CSF1R: variants seen among roughly 807,000 people sequenced by gnomAD.
CSF1R encodes macrophage colony-stimulating factor 1 receptor.
Under a neutral mutation model 110.0 loss-of-function variants are expected in CSF1R, and 40 were observed. That is an observed-to-expected ratio of 0.36 (90% CI 0.28 to 0.47). CSF1R has a LOEUF of 0.47. Ranked by LOEUF, CSF1R falls within the 20% of genes least tolerant of loss-of-function variation. The probability of loss-of-function intolerance (pLI) is 0.99; values close to 1 mark genes in which losing one functional copy is unlikely to be tolerated. For missense variants in CSF1R, 1,052 were observed against 1,253.0 expected, an observed-to-expected ratio of 0.84 and a Z score of 2.42; for synonymous variants, 523 against 503.4, an observed-to-expected ratio of 1.04 and a Z score of -0.52.
intron 1 of CSF1R, among the ~76,000 whole-genome samples, chr5:150,112,047 C>G (rs1390067036): frequency 6.6e-6 from 1 of 152,160 alleles, no homozygotes; most frequent in Non-Finnish European, 1.5e-5. Context: ...AGTAGCCAAT[C>G]AAATCTTGTA....
At chr5:150,082,749 G>C (rs1758607019) in intron 1 of CSF1R, among the ~76,000 whole-genome samples, 1 of 152,194 alleles carries the variant, frequency 6.6e-6, no homozygotes, top group Non-Finnish European at 1.5e-5. Context: ...TGTCTGATGG[G>C]AATAATCCCA....
chr5:150,079,358 A>G (rs1758419325), intron 3 of CSF1R, among the ~76,000 whole-genome samples: 2 of 152,188 alleles, frequency 1.3e-5, no homozygotes, highest in Non-Finnish European at 2.9e-5. Flanking sequence ...TGCTGTCTCA[A>G]GCCCAGGTCC....
upstream of CSF1R, among the ~76,000 whole-genome samples, chr5:150,087,647 T>C (rs527525914): frequency 1.6e-4 from 25 of 152,364 alleles, no homozygotes; most frequent in African/African-American, 5.8e-4. Context: ...CCTCTTTTCC[T>C]GGAGGCAATT....
chr5:150,109,750 T>C lies in CSF1R; in HGVS notation c.-181+3511A>G, dbSNP rs1040916412. Among the ~76,000 whole-genome samples, 4 of 152,212 alleles carry C rather than the reference T, an allele frequency of 2.6e-5. No individual in the cohort carries two copies. The East Asian group carries it at 7.7e-4, about 29-fold the overall frequency. ...TGACATTTTAAATGTTTATTCTCTT[T>C]ACTCAACAACTCAATGTCTAGGAAT... On this transcript the variant is annotated intron_variant, in intron 1 of 21. Transcript: ENST00000286301.
chr5:150,070,723 G>A (rs1313052066), intron 6 of CSF1R, 152 bp from the exon 7 acceptor site: 3 of 499,894 alleles, frequency 6.0e-6, no homozygotes, highest in Non-Finnish European at 1.0e-5. Flanking sequence ...TACTCAGACA[G>A]GGTGCCATTG....
At chr5:150,090,585 A>G (rs1272443697), upstream of CSF1R, among the ~76,000 whole-genome samples, 1 of 152,250 alleles carries the variant, frequency 6.6e-6, no homozygotes, top group Non-Finnish European at 1.5e-5. Context: ...GAATGTATGT[A>G]GAATCACGCA....
intron 19 of CSF1R, 126 bp downstream of exon 19, chr5:150,055,111 A>G (rs1309557551): frequency 1.0e-5 from 8 of 779,318 alleles, no homozygotes; most frequent in African/African-American, 3.4e-5. Flanking sequence ...TGTGTCCACT[A>G]TGGGAGAGAT....
chr5:150,073,211 G>C, intron 6 of CSF1R, 90 bp downstream of exon 6: 1 of 1,329,136 alleles, frequency 7.5e-7, no homozygotes, highest in Non-Finnish European at 1.0e-6. Context: ...CATACACCAA[G>C]GTTGGGACAT....
intron 14 of CSF1R, among the ~76,000 whole-genome samples, chr5:150,059,264 G>A (rs527303901): frequency 2.0e-5 from 3 of 152,002 alleles, no homozygotes; most frequent in African/African-American, 4.8e-5. Flanking sequence ...GGCTGGTCTC[G>A]AACTCCCATC....
At chr5:150,093,959 A>G (rs1016361342) in intron 1 of CSF1R, among the ~76,000 whole-genome samples, 4 of 151,988 alleles carry the variant, frequency 2.6e-5, no homozygotes, top group Admixed American at 2.0e-4. Context: ...GCTACTTGGG[A>G]GGCTGAGGCA....
rs771100382 is a variant in CSF1R, at chr5:150,086,371, G to A, written c.49+8C>T. ...AACAAAGTCCCCCACCCCCCGTTCT[G>A]CTCTTACCATGCCAAGCTGTGGCCA... On this transcript the variant is annotated splice_region_variant and intron_variant, in intron 1 of 20. Transcript: ENST00000675795. The A allele has an allele frequency of 6.2e-7, 1 of 1,604,874 alleles. No individual in the cohort carries two copies. Among genetic ancestry groups the A allele is most frequent in the South Asian group, 1.1e-5 (1 of 88,592 alleles).
chr5:150,060,453 T>A (rs1215511993), intron 13 of CSF1R, among the ~76,000 whole-genome samples: 2 of 151,912 alleles, frequency 1.3e-5, no homozygotes, highest in African/African-American at 2.4e-5. Context: ...GTGAAGAGGA[T>A]GTGGGGCACT....
chr5:150,078,242 G>A lies in CSF1R; in HGVS notation c.599C>T (p.Pro200Leu). ...CACCAGTGTCAAGGCTGGGGGCCCT[G>A]GGATGACTGAGACCGGGGGAGAGAC... ...SIRLKVQKVI[P>L]GPPALTLVPA... The change falls in exon 4 of 21, where the codon CCA becomes CTA. Residue 200 changes from proline (P) to leucine (L), a missense_variant. Physicochemically the swap from Pro to Leu is moderately conservative, Grantham distance 98. Around this residue, in one of 5 missense-constraint regions of CSF1R, gnomAD observed 693 missense variants for 735.4 expected, o/e 0.94. Transcript: ENST00000675795. 6.2e-7 allele frequency: 1 copy of A among 1,614,026 alleles called. No individual in the cohort carries two copies.
At chr5:150,103,272 T>C (rs1448428201) in intron 1 of CSF1R, among the ~76,000 whole-genome samples, 4 of 152,218 alleles carry the variant, frequency 2.6e-5, no homozygotes, top group Middle Eastern at 3.2e-3. Context: ...CCTGCATCCA[T>C]CTGTTGTGGG....
At chr5:150,069,686 C>T (rs1002390297) in intron 9 of CSF1R, among the ~76,000 whole-genome samples, 187 bp downstream of exon 9, 7 of 152,112 alleles carry the variant, frequency 4.6e-5, no homozygotes, top group Admixed American at 6.5e-5. Flanking sequence ...CCTACTGCTT[C>T]GGGGGACCTG....
chr5:150,070,351 C>A, intron 7 of CSF1R, 49 bp from the exon 8 acceptor site: 1 of 1,601,678 alleles, frequency 6.2e-7, no homozygotes, highest in South Asian at 1.1e-5. Context: ...CCGCCACCTC[C>A]CAATCTCCCA....
rs367819727 is a variant in CSF1R at position 150,063,834 on chromosome 5, C to T, written c.1627-1985G>A. ...CCTGGGTCAGCAGAGCAACTCTTTC[C>T]GGCCAGGCCTTGGGGATGGGACAAG... is the stretch of plus-strand genomic sequence containing the variant. On this transcript the variant is annotated intron_variant, in intron 10 of 20. Coordinates refer to ENST00000675795, the MANE Select transcript of CSF1R (RefSeq NM_001288705.3). Among the ~76,000 whole-genome samples, 28 of 152,256 alleles carry T rather than the reference C, an allele frequency of 1.8e-4. No homozygotes were observed. In the East Asian group the frequency reaches 2.3e-3, roughly 13 times the overall value.
At position 150,078,140 on chromosome 5, in the gene CSF1R, T is replaced by G. The variant is rs1247024506; in HGVS notation, c.701A>C (p.Asp234Ala). Residue 234 changes from aspartate to alanine, a missense_variant, in exon 4 of 21, where the codon GAT (aspartate) becomes GCT (alanine). By Grantham distance (126) the Asp-to-Ala change is moderately radical. This residue lies in a region of CSF1R where 693 missense variants were observed against 735.4 expected (regional missense o/e 0.94). Coordinates refer to ENST00000675795, the MANE Select transcript of CSF1R (RefSeq NM_001288705.3). ...GGTGTTGTTGTGTTGGAGGAAGACA[T>G]CAAAGTTAACATCAACGCTGCTGGC... ...CSASSVDVNF[D>A]VFLQHNNTKL... 1 of 1,614,058 alleles carries G rather than the reference T, an allele frequency of 6.2e-7. No homozygotes were observed. The highest frequency in any genetic ancestry group is 8.5e-7 in the Non-Finnish European group (1 of 1,179,996).
At chr5:150,093,775 T>G (rs1759120000) in intron 1 of CSF1R, among the ~76,000 whole-genome samples, 1 of 152,100 alleles carries the variant, frequency 6.6e-6, no homozygotes, top group African/African-American at 2.4e-5. Context: ...ACATGTACAA[T>G]TATTGAGGCC....
Sources: gnomAD v4.1 joint callset for allele counts (sites outside exome capture counted in the v4.1 genomes callset) on GRCh38, gnomAD v4.1.1 for gene constraint, gnomAD v4.1.1 regional missense constraint, MANE v1.5 for transcripts, NCBI Gene and HGNC (gene_info 2026-07-23, HGNC 2026-07-21) for gene names.